GASK1B: variants seen among roughly 807,000 people sequenced by gnomAD.
GASK1B encodes golgi associated kinase 1B, also known as Golgi-associated kinase 1B.
Under a neutral mutation model 42.8 loss-of-function variants are expected in GASK1B, and 34 were observed. That is an observed-to-expected ratio of 0.79 (90% confidence interval 0.60 to 1.06). GASK1B has a LOEUF of 1.06. Ranked by LOEUF, GASK1B falls within the 50% of genes least tolerant of loss-of-function variation. The probability of loss-of-function intolerance (pLI) is 0.00; values close to 1 mark genes in which losing one functional copy is unlikely to be tolerated. For missense variants in GASK1B, 686 were observed against 661.0 expected (o/e 1.04, Z -0.42); for synonymous variants, 262 against 259.1 (o/e 1.01, Z -0.11).
intron 2 of GASK1B, among the ~76,000 whole-genome samples, chr4:158,164,669 A>G (rs1162883451): frequency 6.6e-6 from 1 of 152,220 alleles, no homozygotes; most frequent in Non-Finnish European, 1.5e-5. Context: ...AAGTTTGCCT[A>G]TATGTCAAAG....
chr4:158,128,607 GA>G (rs1315131622), intron 4 of GASK1B, among the ~76,000 whole-genome samples: 1 of 152,158 alleles, frequency 6.6e-6, no homozygotes, highest in African/African-American at 2.4e-5. Context: ...CTTGCTTAAA[GA>G]GTACACTTTG....
chr4:158,126,694 T>C lies in GASK1B; in HGVS notation c.*713A>G, dbSNP rs1387935383. On this transcript the variant is annotated 3_prime_UTR_variant, in exon 5 of 5. Coordinates refer to ENST00000585682, the MANE Select transcript of GASK1B (RefSeq NM_001128424.2). ...CCACTAGATACAAATTGGACCAAAA[T>C]AGAGAGAGTAAAACTCTTTAACATA... is the stretch of plus-strand genomic sequence containing the variant. 1 of 152,048 alleles carries C rather than the reference T, an allele frequency of 6.6e-6. No individual in the cohort carries two copies. The highest frequency in any genetic ancestry group is 1.5e-5 in the Non-Finnish European group (1 of 67,982). The allele number at this position is 152,048 out of a possible 1,614,324, so 9.4% of individuals were successfully genotyped here.
chr4:158,129,229 A>G (rs932063765), intron 4 of GASK1B, among the ~76,000 whole-genome samples: 2 of 152,250 alleles, frequency 1.3e-5, no homozygotes, highest in Non-Finnish European at 2.9e-5. Flanking sequence ...ATTCACATTT[A>G]CATGAATGTA....
chr4:158,139,076 T>G (rs1560779438), intron 3 of GASK1B, among the ~76,000 whole-genome samples: 1 of 152,298 alleles, frequency 6.6e-6, no homozygotes, highest in East Asian at 1.9e-4. Context: ...ATTTTTCCCA[T>G]ATTACAATTG....
chr4:158,170,985 TC>T lies in GASK1B; in HGVS notation c.390del (p.Lys132SerfsTer31), dbSNP rs1732493935. 1 of 1,614,100 alleles carries T rather than the reference TC, an allele frequency of 6.2e-7. No individual in the cohort carries two copies. The highest frequency in any genetic ancestry group is 1.7e-5 in the Admixed American group (1 of 60,016). On this transcript the variant is annotated frameshift_variant, in exon 2 of 5. Coordinates refer to ENST00000585682, the MANE Select transcript of GASK1B (RefSeq NM_001128424.2). LOFTEE classifies it high-confidence loss of function. ...NIRGTVKPKR[R>X]KKHAVASAAP... is the part of the protein sequence containing the mutation. Reference sequence around the variant, plus strand: ...GCAGCCGATGCCACTGCATGCTTTTTCCTGCGCTTGGGCTTCACGGTGCCAC... The same window carrying T: ...GCAGCCGATGCCACTGCATGCTTTTTCTGCGCTTGGGCTTCACGGTGCCAC...
At chr4:158,138,915 A>C in intron 3 of GASK1B, among the ~76,000 whole-genome samples, 1 of 152,196 alleles carries the variant, frequency 6.6e-6, no homozygotes, top group African/African-American at 2.4e-5. Flanking sequence ...ATACATATAG[A>C]ATTTTCCCTT....
At position 158,127,387 on chromosome 4, in the gene GASK1B, C is replaced by T. The variant is rs1304828723; in HGVS notation, c.*20G>A. On this transcript the variant is annotated 3_prime_UTR_variant, in exon 5 of 5. Coordinates refer to ENST00000585682, the MANE Select transcript of GASK1B (RefSeq NM_001128424.2). Reference sequence around the variant, plus strand: ...AAAATGCATAAATATATCTAACACCCTAGCCAGAAGATTCTTTTGTCATTC... The same window carrying T: ...AAAATGCATAAATATATCTAACACCTTAGCCAGAAGATTCTTTTGTCATTC... 6.2e-7 allele frequency: 1 copy of T among 1,604,288 alleles called. No homozygotes were observed. The highest frequency in any genetic ancestry group is 2.2e-5 in the East Asian group (1 of 44,812).
At chr4:158,142,729 AGACTT>A (rs1731184659) in intron 3 of GASK1B, among the ~76,000 whole-genome samples, 1 of 152,236 alleles carries the variant, frequency 6.6e-6, no homozygotes, top group African/African-American at 2.4e-5. Context: ...TCTACAAAGA[AGACTT>A]GACAAAATAA....
At chr4:158,158,012 A>C (rs1460457786) in intron 2 of GASK1B, among the ~76,000 whole-genome samples, 4 of 152,144 alleles carry the variant, frequency 2.6e-5, no homozygotes, top group Non-Finnish European at 2.9e-5. Context: ...TCATCTGAAT[A>C]GGTAAACTGC....
intron 3 of GASK1B, among the ~76,000 whole-genome samples, chr4:158,133,916 T>TGTGCGC (rs1435604508): frequency 2.9e-4 from 44 of 149,662 alleles, no homozygotes; most frequent in African/African-American, 1.1e-3. Flanking sequence ...TGTGTGTGTG[T>TGTGCGC]GCGCGTGCAC....
At position 158,127,505 on chromosome 4, in the gene GASK1B, C is replaced by T. The variant is rs1444501765; in HGVS notation, c.1462G>A (p.Gly488Arg). 2 of 1,613,762 alleles carry T rather than the reference C, an allele frequency of 1.2e-6. No individual in the cohort carries two copies. The highest frequency in any genetic ancestry group is 1.7e-5 in the Admixed American group (1 of 59,978). ...ATTACATCGATAAGCTTTTCAATTC[C>T]TTGTCTACCTCCTTGACTTTCCCAA... ...VYWESQGGRQ[G>R]IEKLIDVIEH... The change falls in exon 5 of 5, where the codon GGA becomes AGA. Residue 488 changes from glycine (G) to arginine (R), a missense_variant. Physicochemically the swap from Gly to Arg is moderately radical, Grantham distance 125. Transcript: ENST00000585682.
chr4:158,153,357 A>G (rs1731630423), intron 3 of GASK1B, among the ~76,000 whole-genome samples: 1 of 152,246 alleles, frequency 6.6e-6, no homozygotes. Context: ...CATAGGTGAC[A>G]CAAACCAATG....
chr4:158,161,950 A>T (rs899210741), intron 2 of GASK1B, among the ~76,000 whole-genome samples: 3 of 152,114 alleles, frequency 2.0e-5, no homozygotes, highest in Non-Finnish European at 4.4e-5. Flanking sequence ...GACATAAAAC[A>T]CACTCACTCT....
intron 4 of GASK1B, 83 bp from the exon 5 acceptor site, chr4:158,127,697 C>T: frequency 8.0e-7 from 1 of 1,256,948 alleles, no homozygotes. Flanking sequence ...TTTCATTAAT[C>T]TGTCATAAAT....
rs569423709 is a variant in GASK1B, at chr4:158,131,647, A to G, written c.1126-635T>C. 1.1e-4 allele frequency among the ~76,000 whole-genome samples: 17 copies of G among 152,348 alleles called. No homozygotes were observed. In the South Asian group the frequency reaches 3.5e-3, roughly 32 times the overall value. ...GGAGTTAAGGATACCACCCTATAGA[A>G]GAGGGTAACCAGATTAATTAGAAAA... On this transcript the variant is annotated intron_variant, in intron 3 of 4. Coordinates refer to ENST00000585682, the MANE Select transcript of GASK1B (RefSeq NM_001128424.2).
chr4:158,128,970 A>G lies in GASK1B; in HGVS notation c.1353-1356T>C, dbSNP rs1730564579. On this transcript the variant is annotated intron_variant, in intron 4 of 4. Transcript: ENST00000585682. ...TAACTGTGGCAGAATGTATGAGATGAAATCGTTAAAACCATTAGATCTCTT... is the reference window on the plus strand; with the variant it reads ...TAACTGTGGCAGAATGTATGAGATGGAATCGTTAAAACCATTAGATCTCTT... Among the ~76,000 whole-genome samples, 3 of 152,336 alleles carry G rather than the reference A, an allele frequency of 2.0e-5. 1 individual carries two copies. In the South Asian group the frequency reaches 6.2e-4, roughly 32 times the overall value.
chr4:158,167,669 A>G (rs1412131060), intron 2 of GASK1B, among the ~76,000 whole-genome samples: 3 of 152,188 alleles, frequency 2.0e-5, no homozygotes, highest in African/African-American at 7.2e-5. Context: ...CTTTGCCTTC[A>G]CTGACCTAGA....
intron 3 of GASK1B, among the ~76,000 whole-genome samples, chr4:158,142,094 G>A (rs1358840478): frequency 6.7e-5 from 10 of 148,284 alleles, no homozygotes; most frequent in Non-Finnish European, 1.0e-4. Flanking sequence ...ACAGGCGCCC[G>A]CCACCACGCC....
chr4:158,157,349 T>C (rs887972661), intron 2 of GASK1B, among the ~76,000 whole-genome samples: 5 of 152,146 alleles, frequency 3.3e-5, no homozygotes, highest in Non-Finnish European at 5.9e-5. Flanking sequence ...AATGTCTTTT[T>C]ACCTTAGTAA....
Sources: allele counts gnomAD v4.1 joint callset (sites outside exome capture counted in the v4.1 genomes callset), GRCh38; gene constraint gnomAD v4.1.1; transcripts MANE v1.5; gene names NCBI Gene and HGNC (gene_info 2026-07-23, HGNC 2026-07-21).